The following MPZL1 variants were observed in gnomAD, a reference collection of about 807,000 sequenced individuals.
MPZL1 encodes the protein myelin protein zero like 1.
MPZL1 carries 16 observed loss-of-function variants against 29.3 expected under a neutral mutation model. The observed-to-expected ratio is 0.55, with a 90% CI of 0.37 to 0.83. The LOEUF (loss-of-function observed/expected upper bound fraction) is 0.83, where lower values mean the gene tolerates loss of function less well. Among genes scored for constraint, MPZL1 ranks in the 40% least tolerant of loss-of-function variants. The pLI, the probability that MPZL1 is intolerant of heterozygous loss-of-function variation, is 0.00. For synonymous variants in MPZL1, 143 were observed against 132.0 expected (o/e 1.08, Z -0.57); for missense variants, 279 against 332.9 (o/e 0.84, Z 1.26).
Position 167,790,584 on chromosome 1 carries a change from T to TAAAGGGCAGATCTGCCCTC in MPZL1, c.*2664_*2682dup, listed in dbSNP as rs1044980456. 34 of 152,234 alleles carry TAAAGGGCAGATCTGCCCTC rather than the reference T, an allele frequency of 2.2e-4. No homozygotes were observed. Among genetic ancestry groups the TAAAGGGCAGATCTGCCCTC allele is most frequent in the African/African-American group, 7.7e-4 (32 of 41,494 alleles). The allele number at this position is 152,234 out of a possible 1,614,324, so 9.4% of individuals were successfully genotyped here. A position where few individuals can be genotyped will look rare whatever the true frequency, so the allele number is the denominator to read the frequency against. On this transcript the variant is annotated 3_prime_UTR_variant, in exon 6 of 6. Coordinates refer to ENST00000359523, the MANE Select transcript of MPZL1 (RefSeq NM_003953.6). ...TTGCAGATAACGAACTAAGGTTGCC[T>TAAAGGGCAGATCTGCCCTC]AAAGGGCAGATCTGCCCTCTCCATG...
At chr1:167,776,631 A>G (rs1207213053) in intron 5 of MPZL1, among the ~76,000 whole-genome samples, 1 of 152,220 alleles carries the variant, frequency 6.6e-6, no homozygotes, top group African/African-American at 2.4e-5. Context: ...GAAAGTAAGC[A>G]TTTATCTGAA....
At position 167,722,216 on chromosome 1, in the gene MPZL1, C is replaced by T; in HGVS notation, c.65C>T (p.Ser22Leu). 1.6e-6 allele frequency: 2 copies of T among 1,238,916 alleles called. No homozygotes were observed. The highest frequency in any genetic ancestry group is 2.0e-6 in the Non-Finnish European group (2 of 987,714). The allele number at this position is 1,238,916 out of a possible 1,614,324, so 76.7% of individuals were successfully genotyped here. The change falls in exon 1 of 6, where the codon TCG becomes TTG. Residue 22 changes from serine (S) to leucine (L), a missense_variant. Ser to Leu is a moderately radical substitution (Grantham distance 145). Coordinates refer to ENST00000359523, the MANE Select transcript of MPZL1 (RefSeq NM_003953.6). Reference protein sequence around the residue: ...AAPDSRRWLWSVLAAALGLLT... With the variant: ...AAPDSRRWLWLVLAAALGLLT... ...CCAGACAGCCGGCGCTGGCTGTGGT[C>T]GGTGCTGGCGGCGGCGCTTGGGCTC...
chr1:167,787,826 G>A lies in MPZL1; in HGVS notation c.715G>A (p.Val239Ile). Residue 239 changes from valine to isoleucine, a missense_variant, in exon 6 of 6, where the codon GTC becomes ATC. Coordinates refer to ENST00000359523, the MANE Select transcript of MPZL1 (RefSeq NM_003953.6). Reference sequence around the variant, plus strand: ...TTCTGCTTCCCTTTTCCAGGGCCCAGTCATATATGCACAGTTAGACCACTC... The same window carrying A: ...TTCTGCTTCCCTTTTCCAGGGCCCAATCATATATGCACAGTTAGACCACTC... Reference protein sequence around the residue: ...SLPSGSHQGPVIYAQLDHSGG... With the variant: ...SLPSGSHQGPIIYAQLDHSGG... 1 of 1,612,250 alleles carries A rather than the reference G, an allele frequency of 6.2e-7. No individual in the cohort carries two copies. Among genetic ancestry groups the A allele is most frequent in the Non-Finnish European group, 8.5e-7 (1 of 1,178,362 alleles).
intron 5 of MPZL1, among the ~76,000 whole-genome samples, chr1:167,782,388 G>A (rs1287888924): frequency 6.6e-6 from 1 of 151,998 alleles, no homozygotes; most frequent in Non-Finnish European, 1.5e-5. Context: ...CTTGCTAATG[G>A]TGGCTATTTT....
chr1:167,773,865 C>T (rs545788437), intron 4 of MPZL1: 2 of 150,732 alleles, frequency 1.3e-5, no homozygotes, highest in East Asian at 3.9e-4. Context: ...TGAATCTAGC[C>T]TAGGCAACAT....
intron 5 of MPZL1, among the ~76,000 whole-genome samples, chr1:167,786,529 C>T (rs908621879): frequency 1.6e-4 from 25 of 152,206 alleles, no homozygotes; most frequent in African/African-American, 3.9e-4. Flanking sequence ...TCAACAAAGA[C>T]GATATCATAA....
intron 5 of MPZL1, among the ~76,000 whole-genome samples, chr1:167,784,866 A>T (rs1035767757): frequency 2.6e-5 from 4 of 152,248 alleles, no homozygotes; most frequent in Non-Finnish European, 5.9e-5. Flanking sequence ...CAAGTCCATC[A>T]GCAGGAAGGG....
chr1:167,747,592 A>G (rs1660671606), intron 1 of MPZL1, among the ~76,000 whole-genome samples: 2 of 152,204 alleles, frequency 1.3e-5, no homozygotes, highest in African/African-American at 4.8e-5. Context: ...AATACATGAT[A>G]AAAAGTCTTC....
At chr1:167,734,004 C>G (rs1558108398) in intron 1 of MPZL1, among the ~76,000 whole-genome samples, 1 of 152,114 alleles carries the variant, frequency 6.6e-6, no homozygotes, top group African/African-American at 2.4e-5. Context: ...CGCCTGTAAT[C>G]CCAGCACTTT....
At chr1:167,725,022 G>A (rs554726943) in intron 1 of MPZL1, among the ~76,000 whole-genome samples, 1 of 152,312 alleles carries the variant, frequency 6.6e-6, no homozygotes, top group East Asian at 1.9e-4. Flanking sequence ...TTTGGTAATT[G>A]AAATGAGCAC....
At chr1:167,772,521 C>A in intron 3 of MPZL1, 33 bp downstream of exon 3, 2 of 1,550,888 alleles carry the variant, frequency 1.3e-6, no homozygotes, top group Non-Finnish European at 1.8e-6. Flanking sequence ...AGTAATAATG[C>A]AGTCTCCTTT....
intron 1 of MPZL1, among the ~76,000 whole-genome samples, chr1:167,726,138 T>C (rs1307870404): frequency 6.6e-6 from 1 of 152,166 alleles, no homozygotes; most frequent in Non-Finnish European, 1.5e-5. Flanking sequence ...TTTCTCACTA[T>C]ATTCAAGCCA....
intron 5 of MPZL1, among the ~76,000 whole-genome samples, chr1:167,777,940 A>G (rs996073101): frequency 6.6e-6 from 1 of 152,228 alleles, no homozygotes; most frequent in African/African-American, 2.4e-5. Flanking sequence ...ATTTAGTTGC[A>G]TTTTACAACA....
rs536408193 is a variant in MPZL1 at position 167,725,564 on chromosome 1, C to A, written c.91+3322C>A. On this transcript the variant is annotated intron_variant, in intron 1 of 5. Coordinates refer to ENST00000359523, the MANE Select transcript of MPZL1 (RefSeq NM_003953.6). Reference sequence around the variant, plus strand: ...GCAGTAGCGTGATCTCGGCTCACCACAACCTCCACCTCCCTGGTTCAAGCG... The same window carrying A: ...GCAGTAGCGTGATCTCGGCTCACCAAAACCTCCACCTCCCTGGTTCAAGCG... Among the ~76,000 whole-genome samples, 9 of 152,288 alleles carry A rather than the reference C, an allele frequency of 5.9e-5. 1 individual carries two copies. The South Asian group carries it at 1.9e-3, about 32-fold the overall frequency.
chr1:167,726,705 A>G (rs940729276), intron 1 of MPZL1, among the ~76,000 whole-genome samples: 3 of 152,224 alleles, frequency 2.0e-5, no homozygotes, highest in African/African-American at 7.2e-5. Context: ...CTTATAAAAT[A>G]TGTATATTTT....
At chr1:167,735,941 A>T (rs1337399586) in intron 1 of MPZL1, among the ~76,000 whole-genome samples, 1 of 152,164 alleles carries the variant, frequency 6.6e-6, no homozygotes, top group Admixed American at 6.5e-5. Context: ...TGTTGTCTCT[A>T]TTTTAGCACT....
At chr1:167,742,386 G>A (rs967877704) in intron 1 of MPZL1, among the ~76,000 whole-genome samples, 7 of 151,928 alleles carry the variant, frequency 4.6e-5, no homozygotes, top group Admixed American at 1.3e-4. Context: ...AGAGTGTATC[G>A]CCTAACTATA....
At position 167,773,312 on chromosome 1, in the gene MPZL1, C is replaced by T; in HGVS notation, c.549C>T (p.Ile183=). ...TGGTCCTAGGTCTCACTCTGCTCATCAGCATGATTCTGGCTGTCCTCTATA... is the reference window on the plus strand; with the variant it reads ...TGGTCCTAGGTCTCACTCTGCTCATTAGCATGATTCTGGCTGTCCTCTATA... ...TAVVLGLTLL[I]SMILAVLYRR... Residue 183 remains isoleucine, a synonymous_variant, in exon 4 of 6, where the codon ATC becomes ATT. Coordinates refer to ENST00000359523, the MANE Select transcript of MPZL1 (RefSeq NM_003953.6). 1 of 1,613,904 alleles carries T rather than the reference C, an allele frequency of 6.2e-7. No homozygotes were observed.
chr1:167,734,840 A>T (rs1660344377), intron 1 of MPZL1, among the ~76,000 whole-genome samples: 1 of 152,174 alleles, frequency 6.6e-6, no homozygotes, highest in South Asian at 2.1e-4. Context: ...AAAAAGACTC[A>T]TAAGAATTTA....
Sources: allele counts gnomAD v4.1 joint callset (sites outside exome capture counted in the v4.1 genomes callset), GRCh38; gene constraint gnomAD v4.1.1; transcripts MANE v1.5; gene names NCBI Gene and HGNC (gene_info 2026-07-23, HGNC 2026-07-21).